Variants in DRC8 observed in about 807,000 individuals in gnomAD.
DRC8 encodes dynein regulatory complex subunit 8.
At chr1:245,036,397 A>G in the DRC8 span, among the ~76,000 whole-genome samples, 1 of 152,238 alleles carries the variant, frequency 6.6e-6, no homozygotes, top group Non-Finnish European at 1.5e-5. Flanking sequence ...TGGTGGAAAT[A>G]TAAAATGGTG....
the DRC8 span, among the ~76,000 whole-genome samples, chr1:245,085,191 T>C: frequency 6.6e-6 from 1 of 152,148 alleles, no homozygotes; most frequent in African/African-American, 2.4e-5. Context: ...ATAAAATAAT[T>C]CACAATACAA....
chr1:245,017,243 G>A, the DRC8 span: 1 of 1,602,366 alleles, frequency 6.2e-7, no homozygotes, highest in Non-Finnish European at 8.5e-7. Flanking sequence ...CTTTTGCAGA[G>A]ATAATAGTAG....
chr1:245,111,667 C>G, the DRC8 span, among the ~76,000 whole-genome samples: 3 of 152,180 alleles, frequency 2.0e-5, no homozygotes, highest in Non-Finnish European at 2.9e-5. Context: ...CCTGTTGGCA[C>G]CTGAACCCAC....
chr1:245,041,080 A>G, the DRC8 span, among the ~76,000 whole-genome samples: 2 of 152,212 alleles, frequency 1.3e-5, no homozygotes, highest in Admixed American at 1.3e-4. Context: ...AATAGTTTAG[A>G]CGTTCTGGTC....
At chr1:245,085,367 C>T in the DRC8 span, among the ~76,000 whole-genome samples, 1 of 152,136 alleles carries the variant, frequency 6.6e-6, no homozygotes, top group Non-Finnish European at 1.5e-5. Context: ...TTCTGTCACA[C>T]ATGGTAGATA....
At chr1:245,069,040 A>T in the DRC8 span, among the ~76,000 whole-genome samples, 1 of 152,200 alleles carries the variant, frequency 6.6e-6, no homozygotes, top group African/African-American at 2.4e-5. Context: ...ATCCTGTTCT[A>T]CTATAACATG....
At chr1:245,037,105 C>A in the DRC8 span, among the ~76,000 whole-genome samples, 1 of 152,168 alleles carries the variant, frequency 6.6e-6, no homozygotes, top group Non-Finnish European at 1.5e-5. Flanking sequence ...CAGGATAATT[C>A]TATCAAAGAA....
chr1:245,060,425 C>T, the DRC8 span, among the ~76,000 whole-genome samples: 1 of 152,162 alleles, frequency 6.6e-6, no homozygotes, highest in Admixed American at 6.5e-5. Context: ...ATATTAGCAC[C>T]TTGGTGACCA....
the DRC8 span, among the ~76,000 whole-genome samples, chr1:245,057,169 A>G: frequency 3.3e-5 from 5 of 152,170 alleles, no homozygotes; most frequent in Non-Finnish European, 5.9e-5. Flanking sequence ...GGGCATGAGT[A>G]GGTTATGTCT....
the DRC8 span, among the ~76,000 whole-genome samples, chr1:245,051,948 G>C: frequency 6.6e-6 from 1 of 152,122 alleles, no homozygotes; most frequent in Non-Finnish European, 1.5e-5. Flanking sequence ...CAAAGTCAGC[G>C]ACTGTAAAGG....
the DRC8 span, among the ~76,000 whole-genome samples, chr1:245,089,814 A>C: frequency 1.3e-5 from 2 of 152,140 alleles, no homozygotes; most frequent in Admixed American, 6.5e-5. This position sits in a 1 kb window ranked among gnomAD's most constrained non-coding sequence, Gnocchi z 4.8. Flanking sequence ...AAGGGCTGAG[A>C]GCCCACAGAG....
At chr1:244,979,824 A>T in the DRC8 span, among the ~76,000 whole-genome samples, 1 of 151,970 alleles carries the variant, frequency 6.6e-6, no homozygotes, top group Non-Finnish European at 1.5e-5. Flanking sequence ...ACATACTTGA[A>T]ATTGTGAAGA....
At chr1:245,015,788 C>T in the DRC8 span, 1 of 245,778 alleles carries the variant, frequency 4.1e-6, no homozygotes. Flanking sequence ...CCATTCTGGC[C>T]CACATCTCTC....
the DRC8 span, among the ~76,000 whole-genome samples, chr1:245,012,421 A>T: frequency 3.3e-5 from 5 of 151,426 alleles, no homozygotes; most frequent in Non-Finnish European, 4.4e-5. Context: ...GAGTCATGAC[A>T]GAGAAATAAG....
the DRC8 span, among the ~76,000 whole-genome samples, chr1:245,069,472 A>G: frequency 6.6e-6 from 1 of 152,096 alleles, no homozygotes; most frequent in Admixed American, 6.6e-5. Context: ...GCAGAAGAAA[A>G]TCCATGGAGA....
At chr1:244,989,785 A>G in the DRC8 span, among the ~76,000 whole-genome samples, 1 of 152,184 alleles carries the variant, frequency 6.6e-6, no homozygotes, top group African/African-American at 2.4e-5. Flanking sequence ...GAAGATTTGT[A>G]TCTTTTCTCC....
the DRC8 span, among the ~76,000 whole-genome samples, chr1:245,104,587 A>G: frequency 6.6e-6 from 1 of 151,982 alleles, no homozygotes; most frequent in African/African-American, 2.4e-5. Context: ...ACATATGGCC[A>G]ATCTTGCTTC....
chr1:244,977,840 G>T, the DRC8 span, among the ~76,000 whole-genome samples: 1 of 152,052 alleles, frequency 6.6e-6, no homozygotes, highest in Admixed American at 6.6e-5. Flanking sequence ...ACATTTGCAT[G>T]TCCAACTAAT....
the DRC8 span, among the ~76,000 whole-genome samples, chr1:244,984,777 G>A: frequency 1.3e-5 from 2 of 151,414 alleles, no homozygotes; most frequent in Non-Finnish European, 2.9e-5. Context: ...GGAGGTTGCG[G>A]TGAGCCGAGA....
Sources: gnomAD v4.1 joint callset for allele counts (sites outside exome capture counted in the v4.1 genomes callset) on GRCh38, gnomAD v4.1.1 for gene constraint, Gnocchi (gnomAD v3.1) non-coding constraint, MANE v1.5 for transcripts, NCBI Gene and HGNC (gene_info 2026-07-23, HGNC 2026-07-21) for gene names.